The following STT3B variants were observed in gnomAD, a reference collection of about 807,000 sequenced individuals.
STT3B encodes the protein STT3 oligosaccharyltransferase complex catalytic subunit B.
A neutral mutation model predicts 96.8 loss-of-function variants in STT3B; 29 were observed. The ratio of observed to expected loss-of-function variants is 0.30; its 90% CI spans 0.22 to 0.41. The LOEUF is 0.41. Ranked by LOEUF, STT3B falls within the 10% of genes least tolerant of loss-of-function variation. The pLI, the probability that STT3B is intolerant of heterozygous loss-of-function variation, is 1.00. For synonymous variants in STT3B, 367 were observed against 360.0 expected, an observed-to-expected ratio of 1.02 and a Z score of -0.22; for missense variants, 640 against 1,022.3, an observed-to-expected ratio of 0.63 and a Z score of 5.10.
At chr3:31,550,978 G>A (rs73824180) in intron 1 of STT3B, among the ~76,000 whole-genome samples, 7,666 of 151,952 alleles carry the variant, frequency 0.05, 667 homozygotes, top group African/African-American at 0.17. Context: ...CTGAATTTTG[G>A]GTATATATGA....
intron 5 of STT3B, among the ~76,000 whole-genome samples, chr3:31,600,999 G>T (rs1013586300): frequency 1.3e-5 from 2 of 152,100 alleles, no homozygotes; most frequent in African/African-American, 2.4e-5. Context: ...ACTTCTATGG[G>T]TTGAAGGAAC....
At chr3:31,571,332 C>T (rs1162164466) in intron 1 of STT3B, among the ~76,000 whole-genome samples, 2 of 149,434 alleles carry the variant, frequency 1.3e-5, no homozygotes, top group African/African-American at 5.0e-5. Flanking sequence ...AGCAAATAAG[C>T]CAGTTATGCC....
At chr3:31,617,192 T>TC in intron 7 of STT3B, 117 bp downstream of exon 7, 1 of 817,936 alleles carries the variant, frequency 1.2e-6, no homozygotes, top group Non-Finnish European at 1.7e-6. Flanking sequence ...TTTTCTTTTT[T>TC]TTTTTTTTTG....
chr3:31,584,352 A>G (rs547296044), intron 3 of STT3B, among the ~76,000 whole-genome samples: 1 of 152,290 alleles, frequency 6.6e-6, no homozygotes, highest in South Asian at 2.1e-4. Flanking sequence ...TTGAAATCCA[A>G]AAGCATAAGT....
intron 1 of STT3B, among the ~76,000 whole-genome samples, chr3:31,535,719 C>T (rs747504965): frequency 4.6e-5 from 7 of 151,876 alleles, no homozygotes; most frequent in East Asian, 3.9e-4. Context: ...AGCGAAACTC[C>T]GACTCAAAAA....
intron 3 of STT3B, among the ~76,000 whole-genome samples, chr3:31,582,692 A>G (rs2125454940): frequency 6.6e-6 from 1 of 152,036 alleles, no homozygotes; most frequent in Non-Finnish European, 1.5e-5. Context: ...TTATAGCTAT[A>G]AAGTTTTCCC....
intron 13 of STT3B, among the ~76,000 whole-genome samples, chr3:31,627,414 C>T (rs377024880): frequency 1.1e-4 from 16 of 152,182 alleles, no homozygotes; most frequent in Non-Finnish European, 1.5e-4. Context: ...TTGTCTTCCA[C>T]GAAACTGGTC....
At position 31,579,952 on chromosome 3, in the gene STT3B, A is replaced by G. The variant is rs760251978; in HGVS notation, c.567A>G (p.Thr189=). ...CATCTATATCTACTTTCCTGCTTAC[A>G]AGAGAACTTTGGAACCAAGGAGCAG... ...GLTSISTFLL[T]RELWNQGAGL... is the part of the protein sequence containing the mutation. Residue 189 remains threonine (T), a synonymous_variant, in exon 3 of 16, where the codon ACA becomes ACG. Transcript: ENST00000295770. 3 of 1,613,794 alleles carry G rather than the reference A, an allele frequency of 1.9e-6. No individual in the cohort carries two copies. Among genetic ancestry groups the G allele is most frequent in the African/African-American group, 2.7e-5 (2 of 74,898 alleles).
intron 5 of STT3B, among the ~76,000 whole-genome samples, chr3:31,606,764 G>A (rs1270162935): frequency 1.3e-5 from 2 of 152,232 alleles, no homozygotes. Flanking sequence ...AAGTGGAGCT[G>A]TGAGAAGAGA....
chr3:31,587,763 CTG>C (rs1340322212), intron 3 of STT3B, among the ~76,000 whole-genome samples: 1 of 152,098 alleles, frequency 6.6e-6, no homozygotes, highest in Non-Finnish European at 1.5e-5. Context: ...TTATAAACAT[CTG>C]TGTACAAATT....
intron 11 of STT3B, among the ~76,000 whole-genome samples, chr3:31,624,235 C>A (rs1435008154): frequency 6.6e-6 from 1 of 152,140 alleles, no homozygotes; most frequent in African/African-American, 2.4e-5. Flanking sequence ...CACTCTCCCC[C>A]GCCCCTGCCA....
chr3:31,562,638 T>A (rs1365204282), intron 1 of STT3B, among the ~76,000 whole-genome samples: 1 of 152,166 alleles, frequency 6.6e-6, no homozygotes. Context: ...AGCTGTAGGC[T>A]GGCAACTTGG....
At chr3:31,545,873 A>G (rs1359627753) in intron 1 of STT3B, among the ~76,000 whole-genome samples, 1 of 150,156 alleles carries the variant, frequency 6.7e-6, no homozygotes, top group East Asian at 2.0e-4. Flanking sequence ...TGTGTGGCCT[A>G]AGGCAATTCT....
intron 1 of STT3B, among the ~76,000 whole-genome samples, chr3:31,549,384 G>A (rs1361073003): frequency 6.6e-6 from 1 of 150,836 alleles, no homozygotes; most frequent in Non-Finnish European, 1.5e-5. Context: ...AAGTTCTCAG[G>A]CCTGTATACA....
intron 1 of STT3B, among the ~76,000 whole-genome samples, chr3:31,559,150 T>A (rs965354889): frequency 3.8e-5 from 2 of 52,242 alleles, no homozygotes; most frequent in Non-Finnish European, 6.7e-5. Context: ...TCTTGGGGTG[T>A]GTGTGTGTGT....
rs185842985 is a variant in STT3B, at chr3:31,630,209, A to G, written c.2187+798A>G. Among the ~76,000 whole-genome samples, 8 of 152,344 alleles carry G rather than the reference A, an allele frequency of 5.3e-5. No individual in the cohort carries two copies. The East Asian group carries it at 5.8e-4, about 11-fold the overall frequency. ...AAGCAGCAAACAGAGAAAAAGTTCT[A>G]TCTAACCTCTTTTCTGCCTAAAGGC... On this transcript the variant is annotated intron_variant, in intron 14 of 15. Transcript: ENST00000295770.
chr3:31,570,886 C>T (rs1698120103), intron 1 of STT3B, among the ~76,000 whole-genome samples: 1 of 151,950 alleles, frequency 6.6e-6, no homozygotes, highest in South Asian at 2.1e-4. Context: ...ACCAGGGTGA[C>T]CAGATACCCT....
intron 3 of STT3B, among the ~76,000 whole-genome samples, chr3:31,581,530 A>G (rs1436993771): frequency 1.3e-5 from 2 of 152,212 alleles, no homozygotes; most frequent in African/African-American, 2.4e-5. Context: ...AGCACATTAC[A>G]TTCATGAATA....
At chr3:31,548,968 G>A (rs577390866) in intron 1 of STT3B, among the ~76,000 whole-genome samples, 1 of 152,196 alleles carries the variant, frequency 6.6e-6, no homozygotes, top group East Asian at 1.9e-4. Flanking sequence ...GTCTTAAGAA[G>A]TTGTTCAGTT....
Sources: allele counts gnomAD v4.1 joint callset (sites outside exome capture counted in the v4.1 genomes callset), GRCh38; gene constraint gnomAD v4.1.1; transcripts MANE v1.5; gene names NCBI Gene and HGNC (gene_info 2026-07-23, HGNC 2026-07-21).